ATF3: variants seen among roughly 807,000 people sequenced by gnomAD.
The protein encoded by ATF3 is activating transcription factor 3.
A neutral mutation model predicts 18.4 loss-of-function variants in ATF3; 10 were observed. That is an observed-to-expected ratio of 0.54 (90% CI 0.34 to 0.92). The LOEUF is 0.92. ATF3 is among the 40% of genes least tolerant of loss of function. The pLI is 0.02. For missense variants in ATF3, 183 were observed against 222.3 expected (o/e 0.82, Z 1.12); for synonymous variants, 78 against 87.9 (o/e 0.89, Z 0.63).
chr1:212,599,149 C>G (rs1654405275), intron 1 of ATF3, among the ~76,000 whole-genome samples: 1 of 152,224 alleles, frequency 6.6e-6, no homozygotes, highest in South Asian at 2.1e-4. Flanking sequence ...TTGGATAAAA[C>G]CATTTTAACT....
intron 1 of ATF3, among the ~76,000 whole-genome samples, chr1:212,581,953 T>A (rs1301480262): frequency 1.3e-5 from 2 of 152,174 alleles, no homozygotes; most frequent in Non-Finnish European, 2.9e-5. Context: ...AAAAAAGCAA[T>A]TCATAACAAG....
intron 1 of ATF3, among the ~76,000 whole-genome samples, chr1:212,572,744 G>A (rs146963487): frequency 2.9e-4 from 44 of 152,036 alleles, no homozygotes; most frequent in African/African-American, 9.7e-4. Flanking sequence ...TTTTTCATAC[G>A]GGTCCTTCGC....
intron 1 of ATF3, among the ~76,000 whole-genome samples, chr1:212,601,669 C>T (rs1346122026): frequency 6.6e-6 from 1 of 152,136 alleles, no homozygotes; most frequent in Non-Finnish European, 1.5e-5. Context: ...AAAGTGCTTA[C>T]TATTGTGCCT....
At chr1:212,609,383 G>A (rs1041495620) in intron 1 of ATF3, among the ~76,000 whole-genome samples, 1 of 145,382 alleles carries the variant, frequency 6.9e-6, no homozygotes, top group South Asian at 2.3e-4. Context: ...GGTGGGGGGG[G>A]GGGGGCGCAG....
At chr1:212,593,219 T>C (rs1664922444) in intron 1 of ATF3, among the ~76,000 whole-genome samples, 2 of 141,098 alleles carry the variant, frequency 1.4e-5, no homozygotes, top group Admixed American at 1.6e-4. Flanking sequence ...ATGTTCTCAC[T>C]CATAGGTGGG....
At chr1:212,599,926 T>C (rs961687694) in intron 1 of ATF3, among the ~76,000 whole-genome samples, 1 of 152,232 alleles carries the variant, frequency 6.6e-6, no homozygotes, top group African/African-American at 2.4e-5. Context: ...AGATGCCTGC[T>C]TAGGGTACCT....
At chr1:212,579,960 T>C (rs1243024095) in intron 1 of ATF3, among the ~76,000 whole-genome samples, 3 of 150,254 alleles carry the variant, frequency 2.0e-5, no homozygotes, top group Non-Finnish European at 3.0e-5. Flanking sequence ...CTGGCTAACA[T>C]GGTGAAACCC....
chr1:212,593,989 G>C (rs1188887581), intron 1 of ATF3, among the ~76,000 whole-genome samples: 1 of 152,224 alleles, frequency 6.6e-6, no homozygotes, highest in Non-Finnish European at 1.5e-5. Flanking sequence ...ATTAGTCCTT[G>C]AGTTGCCTGC....
chr1:212,600,714 C>T (rs1346191109), intron 1 of ATF3, among the ~76,000 whole-genome samples: 2 of 152,232 alleles, frequency 1.3e-5, no homozygotes, highest in African/African-American at 2.4e-5. Context: ...CCCACTTTAG[C>T]CCTTGCTGCA....
chr1:212,577,948 T>C (rs1031698996), intron 1 of ATF3, among the ~76,000 whole-genome samples: 3 of 152,238 alleles, frequency 2.0e-5, no homozygotes, highest in African/African-American at 7.2e-5. Flanking sequence ...TACTCAGTAG[T>C]TGGATTGCTG....
chr1:212,582,709 C>A (rs1341046084), intron 1 of ATF3, among the ~76,000 whole-genome samples: 1 of 152,166 alleles, frequency 6.6e-6, no homozygotes. Flanking sequence ...TTGAGCAGCA[C>A]TTTTAAACCA....
chr1:212,575,964 C>T (rs923019952), intron 1 of ATF3, among the ~76,000 whole-genome samples: 6 of 152,030 alleles, frequency 3.9e-5, no homozygotes, highest in Admixed American at 6.5e-5. Flanking sequence ...CCCTGTCTGG[C>T]TTTAATATCT....
intron 1 of ATF3, among the ~76,000 whole-genome samples, chr1:212,611,806 A>G (rs1213203225): frequency 6.6e-6 from 1 of 152,250 alleles, no homozygotes; most frequent in Non-Finnish European, 1.5e-5. Flanking sequence ...CTTGAAAATG[A>G]TGAAACTGCC....
chr1:212,579,838 A>G (rs1035186290), intron 1 of ATF3, among the ~76,000 whole-genome samples: 1 of 152,182 alleles, frequency 6.6e-6, no homozygotes, highest in Non-Finnish European at 1.5e-5. Context: ...GAAATAAACT[A>G]TCTTGGTTAA....
At chr1:212,600,867 AACAT>A (rs1480471539) in intron 1 of ATF3, among the ~76,000 whole-genome samples, 1 of 152,160 alleles carries the variant, frequency 6.6e-6, no homozygotes, top group Non-Finnish European at 1.5e-5. Flanking sequence ...TGGAGGACTA[AACAT>A]ACATACATAT....
intron 1 of ATF3, among the ~76,000 whole-genome samples, chr1:212,585,007 G>A (rs774332790): frequency 1.3e-5 from 2 of 152,156 alleles, no homozygotes; most frequent in Non-Finnish European, 2.9e-5. Context: ...ATCACCTTAT[G>A]GTGTCCCCTC....
intron 1 of ATF3, among the ~76,000 whole-genome samples, chr1:212,612,303 C>T (rs899303712): frequency 1.3e-5 from 2 of 152,010 alleles, no homozygotes; most frequent in Non-Finnish European, 2.9e-5. Context: ...GGGTAGGGGG[C>T]GGGAGTCATA....
At chr1:212,607,163 G>A (rs1003214550), upstream of ATF3, among the ~76,000 whole-genome samples, 6 of 152,212 alleles carry the variant, frequency 3.9e-5, no homozygotes, top group Non-Finnish European at 8.8e-5. Context: ...CGGGCTTGGC[G>A]GCGAGGAACC....
intron 1 of ATF3, among the ~76,000 whole-genome samples, chr1:212,585,395 T>G (rs1370687381): frequency 2.6e-5 from 4 of 152,240 alleles, no homozygotes; most frequent in Non-Finnish European, 5.9e-5. Context: ...CTGGTGCTGT[T>G]GCCTCTGCCT....
Sources: gnomAD v4.1 joint callset for allele counts (sites outside exome capture counted in the v4.1 genomes callset) on GRCh38, gnomAD v4.1.1 for gene constraint, MANE v1.5 for transcripts, NCBI Gene and HGNC (gene_info 2026-07-23, HGNC 2026-07-21) for gene names.